The following TAGAP variants were observed in gnomAD, a reference collection of about 807,000 sequenced individuals.
The protein encoded by TAGAP is T-cell activation Rho GTPase-activating protein.
In TAGAP, 16 loss-of-function variants were observed where a neutral mutation model predicts 36.0. The ratio of observed to expected loss-of-function variants is 0.44; its 90% CI spans 0.30 to 0.68. The LOEUF is 0.68. TAGAP is among the 30% of genes least tolerant of loss of function. TAGAP has a pLI of 0.09. For synonymous variants in TAGAP, 372 were observed against 377.4 expected (o/e 0.99, Z 0.17); for missense variants, 794 against 921.5 (o/e 0.86, Z 1.79).
chr6:159,038,983 A>C (rs1232612407), intron 8 of TAGAP, 131 bp downstream of exon 8: 2 of 1,538,538 alleles, frequency 1.3e-6, no homozygotes, highest in Non-Finnish European at 1.8e-6. Context: ...TGACAAAAGC[A>C]TTTTGCATTT....
chr6:159,043,647 G>A lies in TAGAP; in HGVS notation c.90C>T (p.Ile30=), dbSNP rs752944412. The A allele has an allele frequency of 6.2e-7, 1 of 1,613,942 alleles. No homozygotes were observed. Among genetic ancestry groups the A allele is most frequent in the Non-Finnish European group, 8.5e-7 (1 of 1,179,898 alleles). Residue 30 remains isoleucine (I), a synonymous_variant, in exon 4 of 10, where the codon ATC becomes ATT. Coordinates refer to ENST00000367066, the MANE Select transcript of TAGAP (RefSeq NM_054114.5). The part of the protein sequence containing the change: ...TLIECQSEGD[I]KEHPLLASCE... ...ATGATGCCAACAGGGGATGTTCCTT[G>A]ATATCACCCTAAAAACATTTTTATT... is the stretch of plus-strand genomic sequence containing the variant.
rs1386806956 is a variant in TAGAP at position 159,041,368 on chromosome 6, C to T, written c.463G>A (p.Ala155Thr). The change falls in exon 6 of 10, where the codon GCT becomes ACT. Residue 155 changes from alanine (A) to threonine (T), a missense_variant. Ala to Thr is a moderately conservative substitution (Grantham distance 58, BLOSUM62 0). Coordinates refer to ENST00000367066, the MANE Select transcript of TAGAP (RefSeq NM_054114.5). The surrounding 1 kb of genome is among the most constrained non-coding windows in gnomAD (Gnocchi z 4.1). ...GTTGAACTCACCTTAAAGACCACAG[C>T]GAGGAGGTGCACGGGGAGCCTCTCC... ...DLERLPVHLL[A>T]VVFKDFLRSI... 8 of 1,613,756 alleles carry T rather than the reference C, an allele frequency of 5.0e-6. No individual in the cohort carries two copies. The highest frequency in any genetic ancestry group is 1.1e-5 in the South Asian group (1 of 91,052).
At chr6:159,038,324 G>A in intron 8 of TAGAP, 96 bp from the exon 9 acceptor site, 1 of 632,764 alleles carries the variant, frequency 1.6e-6, no homozygotes, top group Non-Finnish European at 2.8e-6. Context: ...GGAGTCAGGT[G>A]CCAAAATGAG....
chr6:159,037,159 T>A lies in TAGAP; in HGVS notation c.899-35A>T, dbSNP rs1779576253. On this transcript the variant is annotated intron_variant, in intron 9 of 9. Transcript: ENST00000367066. The surrounding 1 kb of genome is among the most constrained non-coding windows in gnomAD (Gnocchi z 5.1). ...GTCAAGCAGCAGTTGAACATTTGTT[T>A]GGGTTTATTTATTTATTTATTTTTA... is the stretch of plus-strand genomic sequence containing the variant. The A allele has an allele frequency of 6.6e-7, 1 of 1,504,754 alleles. No homozygotes were observed. The highest frequency in any genetic ancestry group is 8.9e-7 in the Non-Finnish European group (1 of 1,129,136). 93.2% of individuals were successfully genotyped at this position (1,504,754 alleles called of 1,614,324 possible). A position where few individuals can be genotyped will look rare whatever the true frequency, so the allele number is the denominator to read the frequency against.
chr6:159,040,575 CT>C (rs1779711495), intron 7 of TAGAP, 147 bp downstream of exon 7: 4 of 580,908 alleles, frequency 6.9e-6, no homozygotes, highest in African/African-American at 1.9e-5. Flanking sequence ...GGTTTTTGTT[CT>C]GGGAGTGGAC....
intron 3 of TAGAP, 119 bp from the exon 4 acceptor site, chr6:159,043,774 G>A: frequency 8.9e-7 from 1 of 1,125,912 alleles, no homozygotes. Context: ...AGAGTGCATT[G>A]ATGTTTTTTC....
chr6:159,038,501 G>A (rs1356923204), intron 8 of TAGAP, among the ~76,000 whole-genome samples: 2 of 151,248 alleles, frequency 1.3e-5, no homozygotes, highest in African/African-American at 2.4e-5. Context: ...CGATTCTCCC[G>A]CCTCAGCCTT....
Position 159,043,602 on chromosome 6 carries a change from A to G in TAGAP, c.135T>C (p.Ile45=), listed in dbSNP as rs1157765336. ...TTTAAAACTCACCAATGAGCTGGCA[A>G]ATACTGTCTTCACTCTCACATGATG... ...LLASCESEDS[I]CQLIEVKKRK... is the part of the protein sequence containing the mutation. The change falls in exon 4 of 10, where the codon ATT becomes ATC. Residue 45 remains isoleucine, a synonymous_variant. Coordinates refer to ENST00000367066, the MANE Select transcript of TAGAP (RefSeq NM_054114.5). 4.3e-6 allele frequency: 7 copies of G among 1,613,964 alleles called. No individual in the cohort carries two copies. The Admixed American group carries it at 1.0e-4, about 23-fold the overall frequency.
rs1358160535 is a variant in TAGAP at position 159,036,079 on chromosome 6, G to A, written c.1944C>T (p.His648=). The change falls in exon 10 of 10, where the codon CAC becomes CAT. Residue 648 remains histidine, a synonymous_variant. Coordinates refer to ENST00000367066, the MANE Select transcript of TAGAP (RefSeq NM_054114.5). This position sits in a 1 kb window ranked among gnomAD's most constrained non-coding sequence, Gnocchi z 4.9. ...CAGGGAGTGGCTCTTTGCTGCCCCT[G>A]TGTCTTGAGTCCTCTACGTGGTGAG... The part of the protein sequence containing the change: ...PPAHHVEDSR[H]RGSKEPLPGH... 1 of 1,613,492 alleles carries A rather than the reference G, an allele frequency of 6.2e-7. No homozygotes were observed.
At chr6:159,040,922 G>T in intron 6 of TAGAP, 90 bp from the exon 7 acceptor site, 1 of 947,274 alleles carries the variant, frequency 1.1e-6, no homozygotes, top group Non-Finnish European at 1.7e-6. Context: ...ATCGCAGGGT[G>T]CTCTATGCTT....
rs1779739053 is a variant in TAGAP at position 159,041,300 on chromosome 6, T to G, written c.477+54A>C. Reference sequence around the variant, plus strand: ...GAGCCTATTTCTTGCATCCTGAGAATGAGTGTGTCAGGGCCCCTTGGCAGG... The same window carrying G: ...GAGCCTATTTCTTGCATCCTGAGAAGGAGTGTGTCAGGGCCCCTTGGCAGG... On this transcript the variant is annotated intron_variant, in intron 6 of 9. Transcript: ENST00000367066. The surrounding 1 kb of genome is among the most constrained non-coding windows in gnomAD (Gnocchi z 4.1). 1.3e-6 allele frequency: 2 copies of G among 1,591,868 alleles called. No individual in the cohort carries two copies. The highest frequency in any genetic ancestry group is 2.7e-5 in the African/African-American group (2 of 74,130).
Position 159,036,891 on chromosome 6 carries a change from C to T in TAGAP, c.1132G>A (p.Glu378Lys), listed in dbSNP as rs1444553368. 6.2e-7 allele frequency: 1 copy of T among 1,614,228 alleles called. No homozygotes were observed. Among genetic ancestry groups the T allele is most frequent in the Non-Finnish European group, 8.5e-7 (1 of 1,180,032 alleles). Residue 378 changes from glutamate to lysine, a missense_variant, in exon 10 of 10, where the codon GAG (glutamate) becomes AAG (lysine). Glu to Lys is a moderately conservative substitution (Grantham distance 56, BLOSUM62 1). Transcript: ENST00000367066. The surrounding 1 kb of genome is among the most constrained non-coding windows in gnomAD (Gnocchi z 4.9). ...TCCTGGGAGGATGGCATGCTGGGCT[C>T]TGAGTATCTCCTATCGGGCTGTGCG... ...SLAQPDRRYSEPSMPSSQECL... is the reference protein window; with the variant it reads ...SLAQPDRRYSKPSMPSSQECL...
Position 159,035,458 on chromosome 6 carries a change from T to A in TAGAP, c.*369A>T, listed in dbSNP as rs1395983151. On this transcript the variant is annotated 3_prime_UTR_variant, in exon 10 of 10. Coordinates refer to ENST00000367066, the MANE Select transcript of TAGAP (RefSeq NM_054114.5). ...GAAGATGTGAAAATTGGCATGACAT[T>A]TGAGGCCACATTAAAAAAGCGAAGA... 5 of 167,526 alleles carry A rather than the reference T, an allele frequency of 3.0e-5. No individual in the cohort carries two copies. Among genetic ancestry groups the A allele is most frequent in the African/African-American group, 1.2e-4 (5 of 41,898 alleles). The allele number at this position is 167,526 out of a possible 1,614,324, so 10.4% of individuals were successfully genotyped here.
rs1327846058 is a variant in TAGAP, at chr6:159,036,274, C to G, written c.1749G>C (p.Gln583His). The change falls in exon 10 of 10, where the codon CAG becomes CAC. Residue 583 changes from glutamine to histidine, a missense_variant. Coordinates refer to ENST00000367066, the MANE Select transcript of TAGAP (RefSeq NM_054114.5). The surrounding 1 kb of genome is among the most constrained non-coding windows in gnomAD (Gnocchi z 4.9). ...TTCCAGGCCTCTCCCAGTCAGCTCC[C>G]TGGAACACATCATCCACCGAGAGGG... ...PHALSVDDVF[Q>H]GADWERPGSP... is the part of the protein sequence containing the mutation. 6.2e-7 allele frequency: 1 copy of G among 1,612,538 alleles called. No homozygotes were observed. The highest frequency in any genetic ancestry group is 1.3e-5 in the African/African-American group (1 of 74,728).
In TAGAP at chr6:159,037,486, G is replaced by A. The variant is rs897713030; in HGVS notation, c.899-362C>T. On this transcript the variant is annotated intron_variant, in intron 9 of 9. Transcript: ENST00000367066. This position sits in a 1 kb window ranked among gnomAD's most constrained non-coding sequence, Gnocchi z 5.1. ...TTATAGGCGTGAGCCACCACACACG[G>A]CCATTTAGGTTCTTTTAGAAATGAA... 6.6e-6 allele frequency among the ~76,000 whole-genome samples: 1 copy of A among 152,178 alleles called. No individual in the cohort carries two copies. Among genetic ancestry groups the A allele is most frequent in the Admixed American group, 6.5e-5 (1 of 15,282 alleles).
chr6:159,044,012 T>C lies in TAGAP; in HGVS notation c.47A>G (p.Asn16Ser). The C allele has an allele frequency of 6.2e-7, 1 of 1,613,978 alleles. No individual in the cohort carries two copies. The highest frequency in any genetic ancestry group is 8.5e-7 in the Non-Finnish European group (1 of 1,179,922). The change falls in exon 3 of 10, where the codon AAT (asparagine) becomes AGT (serine). Residue 16 changes from asparagine (N) to serine (S), a missense_variant. Asn to Ser is a conservative substitution (Grantham distance 46, BLOSUM62 1). Coordinates refer to ENST00000367066, the MANE Select transcript of TAGAP (RefSeq NM_054114.5). ...ACATTCGATTAGTGTCTCCATATTA[T>C]TGGCGTTTAGTGTTTTTGACTAAAA... ...SHNASKTLNA[N>S]NMETLIECQS...
chr6:159,036,980 T>C lies in TAGAP; in HGVS notation c.1043A>G (p.Gln348Arg). ...CTCTGGGCTGACCTCTCGGGCATCC[T>C]GTGGGCCCGCGCTATCCAAGCCAGC... ...TAAGLDSAGP[Q>R]DAREVSPEPI... The change falls in exon 10 of 10, where the codon CAG (glutamine) becomes CGG (arginine). Residue 348 changes from glutamine (Q) to arginine (R), a missense_variant. Gln to Arg is a conservative substitution (Grantham distance 43). Transcript: ENST00000367066. The surrounding 1 kb of genome is among the most constrained non-coding windows in gnomAD (Gnocchi z 4.9). 2 of 1,613,646 alleles carry C rather than the reference T, an allele frequency of 1.2e-6. No individual in the cohort carries two copies. The highest frequency in any genetic ancestry group is 1.7e-6 in the Non-Finnish European group (2 of 1,179,830).
chr6:159,035,343 A>G lies in TAGAP; in HGVS notation c.*484T>C, dbSNP rs4709267. The stretch of plus-strand genomic sequence containing the variant: ...TATGGTGGTGATTAGTTATTGCAAG[A>G]CTGCTTATATAGAGTAATATATAGT... On this transcript the variant is annotated 3_prime_UTR_variant, in exon 10 of 10. Coordinates refer to ENST00000367066, the MANE Select transcript of TAGAP (RefSeq NM_054114.5). 23,184 of 152,640 alleles carry G rather than the reference A, an allele frequency of 0.15. 2,289 individuals are homozygous for G. Among genetic ancestry groups the G allele is most frequent in the East Asian group, 0.4 (2,105 of 5,306 alleles). The allele number at this position is 152,640 out of a possible 1,614,324, so 9.5% of individuals were successfully genotyped here. A position where few individuals can be genotyped will look rare whatever the true frequency, so the allele number is the denominator to read the frequency against.
At chr6:159,044,721 G>T (rs892723270) in intron 1 of TAGAP, among the ~76,000 whole-genome samples, 158 bp downstream of exon 1, 2 of 152,096 alleles carry the variant, frequency 1.3e-5, no homozygotes, top group East Asian at 3.8e-4. Flanking sequence ...CACCAAAAAG[G>T]TGCAGCCTTC....
Sources: gnomAD v4.1 joint callset for allele counts (sites outside exome capture counted in the v4.1 genomes callset) on GRCh38, gnomAD v4.1.1 for gene constraint, Gnocchi (gnomAD v3.1) non-coding constraint, MANE v1.5 for transcripts, NCBI Gene and HGNC (gene_info 2026-07-23, HGNC 2026-07-21) for gene names.